PPM1E: variants seen among roughly 807,000 people sequenced by gnomAD.
The protein encoded by PPM1E is protein phosphatase 1E.
In PPM1E, 20 loss-of-function variants were observed where a neutral mutation model predicts 65.9. That is an observed-to-expected ratio of 0.30 (90% confidence interval 0.21 to 0.44). The LOEUF (loss-of-function observed/expected upper bound fraction) is 0.44, where lower values mean the gene tolerates loss of function less well. PPM1E is among the 20% of genes least tolerant of loss of function. PPM1E has a pLI of 1.00. For synonymous variants in PPM1E, 352 were observed against 374.9 expected (o/e 0.94, Z 0.70); for missense variants, 713 against 953.1 (o/e 0.75, Z 3.32).
intron 1 of PPM1E, among the ~76,000 whole-genome samples, chr17:58,823,487 G>A (rs945308116): frequency 3.3e-5 from 5 of 152,166 alleles, no homozygotes; most frequent in Non-Finnish European, 7.3e-5. Flanking sequence ...AATGAATATA[G>A]GAGAATGAAT....
At chr17:58,906,970 C>T (rs1021343283) in intron 1 of PPM1E, among the ~76,000 whole-genome samples, 11 of 152,272 alleles carry the variant, frequency 7.2e-5, no homozygotes, top group African/African-American at 2.6e-4. Context: ...GGCCCAGGGG[C>T]TTACGCCTGT....
In PPM1E at chr17:58,756,231, G is replaced by T; in HGVS notation, c.234G>T (p.Glu78Asp). The change falls in exon 1 of 7, where the codon GAG becomes GAT. Residue 78 changes from glutamate to aspartate, a missense_variant. Around this residue, in one of 6 missense-constraint regions of PPM1E, gnomAD observed 212 missense variants for 204.0 expected, o/e 1.04. Transcript: ENST00000308249. ...EEAATVAATE[E>D]GDQEQDPEPE... Reference sequence around the variant, plus strand: ...CGGCCACGGTAGCCGCGACGGAGGAGGGGGACCAGGAGCAAGACCCGGAGC... The same window carrying T: ...CGGCCACGGTAGCCGCGACGGAGGATGGGGACCAGGAGCAAGACCCGGAGC... 6.4e-7 allele frequency: 1 copy of T among 1,553,188 alleles called. No individual in the cohort carries two copies. Among genetic ancestry groups the T allele is most frequent in the Non-Finnish European group, 8.7e-7 (1 of 1,147,996 alleles).
At chr17:58,771,871 G>A (rs1294550087) in intron 1 of PPM1E, among the ~76,000 whole-genome samples, 3 of 152,102 alleles carry the variant, frequency 2.0e-5, no homozygotes, top group Admixed American at 2.0e-4. Context: ...AGAGATAAAC[G>A]TGTTCCTTTC....
intron 1 of PPM1E, among the ~76,000 whole-genome samples, chr17:58,837,933 C>A (rs751592603): frequency 2.0e-5 from 3 of 152,150 alleles, no homozygotes; most frequent in African/African-American, 4.8e-5. Flanking sequence ...GTTAGACTGT[C>A]CCAGAGAAGG....
intron 1 of PPM1E, among the ~76,000 whole-genome samples, chr17:58,861,922 CT>C (rs935449732): frequency 2.3e-5 from 2 of 86,182 alleles, no homozygotes; most frequent in East Asian, 2.6e-4. Flanking sequence ...AAGTGAGATA[CT>C]TTAAAAAAAA....
At chr17:58,759,973 A>G (rs2049806838) in intron 1 of PPM1E, among the ~76,000 whole-genome samples, 1 of 152,240 alleles carries the variant, frequency 6.6e-6, no homozygotes, top group Non-Finnish European at 1.5e-5. Flanking sequence ...TTCTCATTCA[A>G]AAATAATAAA....
intron 1 of PPM1E, among the ~76,000 whole-genome samples, chr17:58,781,612 T>A (rs1247692657): frequency 6.6e-6 from 1 of 152,060 alleles, no homozygotes; most frequent in Non-Finnish European, 1.5e-5. Flanking sequence ...TAACAATGAT[T>A]TTTTTGGGGC....
intron 1 of PPM1E, among the ~76,000 whole-genome samples, chr17:58,850,900 A>G (rs556939493): frequency 6.6e-6 from 1 of 152,160 alleles, no homozygotes; most frequent in Non-Finnish European, 1.5e-5. Flanking sequence ...TCTCCCCGTC[A>G]CTTTCAGGTA....
intron 1 of PPM1E, among the ~76,000 whole-genome samples, chr17:58,879,900 C>T (rs889879238): frequency 1.3e-5 from 2 of 152,162 alleles, no homozygotes; most frequent in Non-Finnish European, 2.9e-5. Flanking sequence ...AACTCCACTT[C>T]CATCCTCTTA....
At chr17:58,766,218 T>TTTTTTTTTTTTC (rs2049875956) in intron 1 of PPM1E, among the ~76,000 whole-genome samples, 1 of 114,958 alleles carries the variant, frequency 8.7e-6, no homozygotes, top group Non-Finnish European at 1.7e-5. Context: ...TTTTTTTTTT[T>TTTTTTTTTTTTC]TGAGATGGAG....
At chr17:58,847,233 A>T (rs78941597) in intron 1 of PPM1E, among the ~76,000 whole-genome samples, 152,055 of 152,192 alleles carry the variant, frequency 1, 75,959 homozygotes, top group Middle Eastern at 1. Flanking sequence ...CTGTTCACTC[A>T]GATGGTAGTT....
chr17:58,926,822 T>C (rs983457113), intron 1 of PPM1E, among the ~76,000 whole-genome samples: 2 of 152,162 alleles, frequency 1.3e-5, no homozygotes, highest in African/African-American at 4.8e-5. Context: ...TTTAAGATGT[T>C]TGCATTAATT....
At chr17:58,780,251 G>A (rs1176516381) in intron 1 of PPM1E, among the ~76,000 whole-genome samples, 1 of 152,200 alleles carries the variant, frequency 6.6e-6, no homozygotes, top group East Asian at 1.9e-4. Context: ...GCTCACGCCT[G>A]TAATCCCAGC....
At chr17:58,855,321 C>A (rs2050870583) in intron 1 of PPM1E, among the ~76,000 whole-genome samples, 1 of 152,158 alleles carries the variant, frequency 6.6e-6, no homozygotes, top group African/African-American at 2.4e-5. Flanking sequence ...ACCTCCAGCC[C>A]ACTCTATACA....
At chr17:58,766,638 A>G (rs1162468013) in intron 1 of PPM1E, among the ~76,000 whole-genome samples, 1 of 152,078 alleles carries the variant, frequency 6.6e-6, no homozygotes, top group Non-Finnish European at 1.5e-5. Flanking sequence ...CACACAGTAA[A>G]AAATACTAAA....
chr17:58,909,753 A>G (rs540315691), intron 1 of PPM1E, among the ~76,000 whole-genome samples: 24 of 151,634 alleles, frequency 1.6e-4, no homozygotes, highest in African/African-American at 5.3e-4. Flanking sequence ...TTGATTTTCT[A>G]TAGTTTAAAA....
At chr17:58,811,757 A>G (rs1598585968) in intron 1 of PPM1E, among the ~76,000 whole-genome samples, 1 of 151,104 alleles carries the variant, frequency 6.6e-6, no homozygotes, top group South Asian at 2.1e-4. Flanking sequence ...TGCAACCTCC[A>G]CCTCCCGGGG....
rs534056965 is a variant in PPM1E, at chr17:58,868,693, G to A, written c.465-86956G>A. 1.1e-4 allele frequency among the ~76,000 whole-genome samples: 16 copies of A among 150,424 alleles called. No homozygotes were observed. The East Asian group carries it at 3.1e-3, about 30-fold the overall frequency. On this transcript the variant is annotated intron_variant, in intron 1 of 6. Transcript: ENST00000308249. ...TAATTGTAAACTCATAACCTTATTT[G>A]GTTTTCTTCCCTGTTTAACTTCTCT...
At chr17:58,798,416 G>T (rs192821930) in intron 1 of PPM1E, among the ~76,000 whole-genome samples, 42 of 150,990 alleles carry the variant, frequency 2.8e-4, no homozygotes, top group African/African-American at 1.0e-3. Context: ...ATAGAGACAG[G>T]GTTTCACCAT....
Sources: gnomAD v4.1 joint callset for allele counts (sites outside exome capture counted in the v4.1 genomes callset) on GRCh38, gnomAD v4.1.1 for gene constraint, gnomAD v4.1.1 regional missense constraint, MANE v1.5 for transcripts, NCBI Gene and HGNC (gene_info 2026-07-23, HGNC 2026-07-21) for gene names.